Variants in ETS1 observed in about 807,000 individuals in gnomAD.
The protein encoded by ETS1 is protein C-ets-1.
ETS1 carries 15 observed loss-of-function variants against 58.6 expected under a neutral mutation model. That is an observed-to-expected ratio of 0.26 (90% CI 0.17 to 0.39). The LOEUF (loss-of-function observed/expected upper bound fraction) is 0.39. Among genes scored for constraint, ETS1 ranks in the 10% least tolerant of loss-of-function variants. The pLI, the probability that ETS1 is intolerant of heterozygous loss-of-function variation, is 1.00. For synonymous variants in ETS1, 214 were observed against 218.2 expected, an observed-to-expected ratio of 0.98 and a Z score of 0.17; for missense variants, 417 against 610.5, an observed-to-expected ratio of 0.68 and a Z score of 3.34.
intron 3 of ETS1, among the ~76,000 whole-genome samples, chr11:128,528,027 G>A (rs374855090): frequency 2.6e-5 from 4 of 152,190 alleles, no homozygotes; most frequent in East Asian, 3.8e-4. Context: ...AAAGGAAAAG[G>A]GACGGTGGTA....
intron 2 of ETS1, among the ~76,000 whole-genome samples, chr11:128,569,330 T>TTTTTTTTTTTTTTTTTTTTTTTTTTG (rs1864578144): frequency 8.3e-6 from 1 of 120,502 alleles, no homozygotes; most frequent in African/African-American, 3.1e-5. Flanking sequence ...TTTTTTTTTT[T>TTTTTTTTTTTTTTTTTTTTTTTTTTG]TTTTTTTTTT....
intron 2 of ETS1, among the ~76,000 whole-genome samples, chr11:128,562,526 C>A (rs568498374): frequency 6.6e-6 from 1 of 152,260 alleles, no homozygotes; most frequent in East Asian, 1.9e-4. Flanking sequence ...AGTGGTGAGC[C>A]GTGGAGGAAA....
rs1263756259 is a variant in ETS1, at chr11:128,460,139, TCACA to T, written c.*2218_*2221del. The T allele has an allele frequency of 6.6e-6, 1 of 151,038 alleles. No homozygotes were observed. The highest frequency in any genetic ancestry group is 6.6e-5 in the Admixed American group (1 of 15,078). 9.4% of individuals were successfully genotyped at this position (151,038 alleles called of 1,614,324 possible). ...ACAACATTCACACACATGCACACAT[TCACA>T]CACACACCTTTTGCCAGTGCCCAAC... On this transcript the variant is annotated 3_prime_UTR_variant, in exon 10 of 10. Transcript: ENST00000392668.
intron 3 of ETS1, among the ~76,000 whole-genome samples, chr11:128,514,983 T>C (rs969041478): frequency 3.3e-5 from 5 of 152,210 alleles, no homozygotes; most frequent in African/African-American, 1.2e-4. Flanking sequence ...TTGTCTTTTT[T>C]TAATTCAAAA....
At chr11:128,564,888 C>T (rs1258450329) in intron 2 of ETS1, among the ~76,000 whole-genome samples, 1 of 151,804 alleles carries the variant, frequency 6.6e-6, no homozygotes, top group East Asian at 1.9e-4. Context: ...TTTCAATTTG[C>T]TCAGCAATCT....
chr11:128,483,877 T>G (rs1182631338), intron 7 of ETS1, among the ~76,000 whole-genome samples: 1 of 152,220 alleles, frequency 6.6e-6, no homozygotes, highest in African/African-American at 2.4e-5. Flanking sequence ...TTGATCAGCT[T>G]TCTCCTGTTC....
chr11:128,479,184 C>T (rs1285929375), intron 8 of ETS1, among the ~76,000 whole-genome samples: 3 of 152,194 alleles, frequency 2.0e-5, no homozygotes, highest in Admixed American at 6.5e-5. Context: ...ATTCAGCATA[C>T]TCTAAGGATC....
intron 3 of ETS1, among the ~76,000 whole-genome samples, chr11:128,491,731 A>C (rs1862806351): frequency 6.6e-6 from 1 of 152,228 alleles, no homozygotes; most frequent in South Asian, 2.1e-4. Context: ...GGCTTTGACT[A>C]CAAAAGTGGC....
At chr11:128,556,540 C>T (rs1341680154) in intron 2 of ETS1, 105 bp from the exon 3 acceptor site, 2 of 731,394 alleles carry the variant, frequency 2.7e-6, no homozygotes, top group Non-Finnish European at 4.3e-6. Context: ...AAGTAAGAAT[C>T]ATCTATAGAT....
At chr11:128,506,449 C>T (rs796631178) in intron 3 of ETS1, among the ~76,000 whole-genome samples, 26 of 152,282 alleles carry the variant, frequency 1.7e-4, no homozygotes, top group African/African-American at 5.8e-4. Context: ...GCTATATGCT[C>T]ACAACAGACG....
chr11:128,520,807 T>C (rs1321980642), intron 3 of ETS1, among the ~76,000 whole-genome samples: 1 of 152,190 alleles, frequency 6.6e-6, no homozygotes, highest in Non-Finnish European at 1.5e-5. Flanking sequence ...GTGCTGAAAG[T>C]TTAAGCAGCG....
chr11:128,581,629 G>C (rs538576481), intron 1 of ETS1, among the ~76,000 whole-genome samples: 8 of 152,244 alleles, frequency 5.3e-5, no homozygotes, highest in Non-Finnish European at 8.8e-5. Context: ...TCGTAATAGA[G>C]GCCATGGAAT....
intron 3 of ETS1, among the ~76,000 whole-genome samples, chr11:128,502,774 G>A (rs1863124391): frequency 1.3e-5 from 2 of 152,180 alleles, no homozygotes; most frequent in African/African-American, 2.4e-5. Context: ...ACTAAAAAGA[G>A]CCACCAGTAG....
At chr11:128,493,300 GC>G (rs1862851432) in intron 3 of ETS1, among the ~76,000 whole-genome samples, 1 of 152,258 alleles carries the variant, frequency 6.6e-6, no homozygotes, top group Admixed American at 6.5e-5. Flanking sequence ...ACAAGCCCTG[GC>G]AGTGTGGTCT....
intron 3 of ETS1, among the ~76,000 whole-genome samples, chr11:128,544,580 A>G (rs930648986): frequency 6.6e-6 from 1 of 152,034 alleles, no homozygotes; most frequent in Admixed American, 6.5e-5. Flanking sequence ...GCAGCTCTGC[A>G]TCACATTGAG....
chr11:128,492,917 A>G (rs942143378), intron 3 of ETS1, among the ~76,000 whole-genome samples: 4 of 152,218 alleles, frequency 2.6e-5, no homozygotes, highest in Non-Finnish European at 5.9e-5. Flanking sequence ...ACAAATGTTG[A>G]GTGAATTAAA....
intron 2 of ETS1, among the ~76,000 whole-genome samples, chr11:128,570,969 T>C (rs980235587): frequency 2.6e-5 from 4 of 152,190 alleles, no homozygotes; most frequent in African/African-American, 9.7e-5. Context: ...ATTCTAATTT[T>C]TTGTAAAAGT....
At chr11:128,569,438 G>T (rs1864582389) in intron 2 of ETS1, among the ~76,000 whole-genome samples, 1 of 149,420 alleles carries the variant, frequency 6.7e-6, no homozygotes, top group African/African-American at 2.5e-5. Flanking sequence ...GGACAGGGAG[G>T]CTCCAACAGA....
chr11:128,510,657 T>G (rs1014185183), intron 3 of ETS1, among the ~76,000 whole-genome samples: 1 of 152,184 alleles, frequency 6.6e-6, no homozygotes, highest in Non-Finnish European at 1.5e-5. Context: ...AGTGCCCAGA[T>G]TCAAAACAGC....
Sources: gnomAD v4.1 joint callset for allele counts (sites outside exome capture counted in the v4.1 genomes callset) on GRCh38, gnomAD v4.1.1 for gene constraint, MANE v1.5 for transcripts, NCBI Gene and HGNC (gene_info 2026-07-23, HGNC 2026-07-21) for gene names.